PALLD: variants seen among roughly 807,000 people sequenced by gnomAD.
The protein encoded by PALLD is palladin, cytoskeletal associated protein, also known as palladin.
A neutral mutation model predicts 123.5 loss-of-function variants in PALLD; 61 were observed. The observed-to-expected ratio is 0.49, with a 90% confidence interval of 0.40 to 0.61. PALLD has a LOEUF of 0.61. Ranked by LOEUF, PALLD falls within the 20% of genes least tolerant of loss-of-function variation. PALLD has a pLI of 0.00. For missense variants in PALLD, 1,273 were observed against 1,377.0 expected, an observed-to-expected ratio of 0.92 and a Z score of 1.20; for synonymous variants, 465 against 496.4, an observed-to-expected ratio of 0.94 and a Z score of 0.84.
intron 2 of PALLD, among the ~76,000 whole-genome samples, chr4:168,611,208 A>T (rs927543296): frequency 1.3e-5 from 2 of 152,110 alleles, no homozygotes; most frequent in Non-Finnish European, 2.9e-5. Flanking sequence ...ATACTCTGCC[A>T]TTTGCTCAGG....
intron 10 of PALLD, among the ~76,000 whole-genome samples, chr4:168,728,375 T>C (rs1046967482): frequency 6.6e-6 from 1 of 152,218 alleles, no homozygotes; most frequent in Non-Finnish European, 1.5e-5. Flanking sequence ...TTGTCTCTGA[T>C]TTCTTTCAGT....
intron 2 of PALLD, among the ~76,000 whole-genome samples, chr4:168,637,968 AT>A (rs1396309823): frequency 6.0e-5 from 9 of 150,744 alleles, no homozygotes; most frequent in South Asian, 4.2e-4. Flanking sequence ...AAAAAAAAAA[AT>A]TCTGAGGATC....
intron 2 of PALLD, among the ~76,000 whole-genome samples, chr4:168,617,574 T>C (rs1774349752): frequency 6.6e-6 from 1 of 152,072 alleles, no homozygotes; most frequent in Admixed American, 6.6e-5. Flanking sequence ...GAGAGTATAA[T>C]GAGGGGATGA....
At chr4:168,623,944 A>T (rs1177052618) in intron 2 of PALLD, among the ~76,000 whole-genome samples, 6 of 152,218 alleles carry the variant, frequency 3.9e-5, no homozygotes, top group Non-Finnish European at 8.8e-5. Context: ...TTCGGAAAAG[A>T]CATAACATAA....
chr4:168,827,955 C>T (rs939442447), intron 10 of PALLD, among the ~76,000 whole-genome samples: 3 of 152,120 alleles, frequency 2.0e-5, no homozygotes, highest in South Asian at 2.1e-4. Flanking sequence ...GCAGGAGAAT[C>T]GCGTGAACCC....
At position 168,901,727 on chromosome 4, in the gene PALLD, G is replaced by A. The variant is rs116749245; in HGVS notation, c.2473-2030G>A. 6.7e-3 allele frequency among the ~76,000 whole-genome samples: 1,019 copies of A among 151,946 alleles called. 5 individuals carry two copies. The highest frequency in any genetic ancestry group is 0.034 in the Middle Eastern group (10 of 292). On this transcript the variant is annotated intron_variant, in intron 14 of 21. Coordinates refer to ENST00000505667, the MANE Select transcript of PALLD (RefSeq NM_001166108.2). ...ACAAACATTAGCTGAGCATGGAGGC[G>A]CACACCTGTAATCCCAGCTACTCAG...
chr4:168,669,401 AAAAACAAAAC>A (rs969138125), intron 3 of PALLD, among the ~76,000 whole-genome samples: 27 of 151,962 alleles, frequency 1.8e-4, no homozygotes, highest in Non-Finnish European at 3.2e-4. Flanking sequence ...CCCTGTCTCA[AAAAACAAAAC>A]AAAACAAAAC....
chr4:168,552,846 T>C (rs1766878902), intron 2 of PALLD, among the ~76,000 whole-genome samples: 1 of 152,034 alleles, frequency 6.6e-6, no homozygotes, highest in Non-Finnish European at 1.5e-5. Flanking sequence ...CGGCTAATTT[T>C]TTAATTTTTA....
At chr4:168,686,636 A>C (rs1283185109) in intron 6 of PALLD, 1 of 152,362 alleles carries the variant, frequency 6.6e-6, no homozygotes, top group Non-Finnish European at 1.5e-5. Flanking sequence ...ACGAATTTGC[A>C]TGTCATCCTT....
intron 10 of PALLD, among the ~76,000 whole-genome samples, chr4:168,872,603 T>C (rs1751232560): frequency 3.3e-5 from 5 of 152,248 alleles, no homozygotes; most frequent in Admixed American, 2.0e-4. Flanking sequence ...TAGGGGAATG[T>C]ATTTGAATTA....
chr4:168,725,223 T>A (rs1786428085), intron 10 of PALLD, among the ~76,000 whole-genome samples: 1 of 152,184 alleles, frequency 6.6e-6, no homozygotes, highest in African/African-American at 2.4e-5. Context: ...TCGACTCTTC[T>A]TTTCGCTCAG....
chr4:168,753,392 C>T (rs762241238), intron 10 of PALLD, among the ~76,000 whole-genome samples: 2 of 151,786 alleles, frequency 1.3e-5, no homozygotes, highest in African/African-American at 2.4e-5. Context: ...CTCTCTCTCC[C>T]CCGACCCTCT....
At position 168,511,611 on chromosome 4, in the gene PALLD, A is replaced by G. The variant is rs889514388; in HGVS notation, c.107A>G (p.Gln36Arg). 6.2e-7 allele frequency: 1 copy of G among 1,614,028 alleles called. No individual in the cohort carries two copies. Among genetic ancestry groups the G allele is most frequent in the Non-Finnish European group, 8.5e-7 (1 of 1,180,010 alleles). ...CCGGGCCTTTCTGCTTTCCTCAGCC[A>G]GGAAGAGATAAACAAGAGTCTTGAC... Reference protein sequence around the residue: ...FFPGLSAFLSQEEINKSLDLA... With the variant: ...FFPGLSAFLSREEINKSLDLA... The change falls in exon 2 of 22, where the codon CAG (glutamine) becomes CGG (arginine). Residue 36 changes from glutamine (Q) to arginine (R), a missense_variant. Physicochemically the swap from Gln to Arg is conservative, Grantham distance 43. Transcript: ENST00000505667.
intron 2 of PALLD, among the ~76,000 whole-genome samples, chr4:168,541,197 A>T (rs899870733): frequency 5.3e-5 from 8 of 152,214 alleles, no homozygotes; most frequent in Admixed American, 4.6e-4. Flanking sequence ...GATGGGGATA[A>T]ATATTCAGGG....
chr4:168,670,561 G>A (rs1031407350), intron 3 of PALLD, among the ~76,000 whole-genome samples: 3 of 149,740 alleles, frequency 2.0e-5, no homozygotes, highest in Non-Finnish European at 3.0e-5. Context: ...GTGAAACCCC[G>A]TCTCTACTAA....
chr4:168,729,642 T>A (rs558070312), intron 10 of PALLD, among the ~76,000 whole-genome samples: 2 of 152,336 alleles, frequency 1.3e-5, no homozygotes, highest in East Asian at 3.9e-4. Flanking sequence ...ATCATTCTCG[T>A]GTACTTTTAC....
intron 3 of PALLD, among the ~76,000 whole-genome samples, chr4:168,679,136 A>G (rs1196740396): frequency 1.5e-4 from 7 of 45,492 alleles, no homozygotes; most frequent in East Asian, 7.2e-4. Context: ...TGGGGTGAGT[A>G]TGGATGTGGT....
chr4:168,805,462 G>A (rs1401404706), intron 10 of PALLD, among the ~76,000 whole-genome samples: 1 of 152,130 alleles, frequency 6.6e-6, no homozygotes, highest in Non-Finnish European at 1.5e-5. Flanking sequence ...GCCCAAAGCA[G>A]CCTTTCCTTT....
At chr4:168,814,665 G>A (rs28705062) in intron 10 of PALLD, among the ~76,000 whole-genome samples, 4,289 of 152,254 alleles carry the variant, frequency 0.028, 207 homozygotes, top group African/African-American at 0.098. Flanking sequence ...TGATGCTTCT[G>A]AAGACACTGG....
Sources: allele counts gnomAD v4.1 joint callset (sites outside exome capture counted in the v4.1 genomes callset), GRCh38; gene constraint gnomAD v4.1.1; transcripts MANE v1.5; gene names NCBI Gene and HGNC (gene_info 2026-07-23, HGNC 2026-07-21).